Variants in ARL13B observed in about 807,000 individuals in gnomAD.
ARL13B encodes the protein ADP-ribosylation factor-like protein 13B.
A neutral mutation model predicts 56.1 loss-of-function variants in ARL13B; 36 were observed. That is an observed-to-expected ratio of 0.64 (90% CI 0.49 to 0.85). The LOEUF is 0.85. Among genes scored for constraint, ARL13B ranks in the 40% least tolerant of loss-of-function variants. ARL13B has a pLI of 0.00. For missense variants in ARL13B, 519 were observed against 507.1 expected, an observed-to-expected ratio of 1.02 and a Z score of -0.23; for synonymous variants, 178 against 171.1, an observed-to-expected ratio of 1.04 and a Z score of -0.32.
At chr3:94,036,441 T>G in intron 4 of ARL13B, 111 bp from the exon 5 acceptor site, 1 of 1,096,468 alleles carries the variant, frequency 9.1e-7, no homozygotes, top group Non-Finnish European at 1.4e-6. Flanking sequence ...TGCTTCATAT[T>G]ATTAACTTAA....
rs762735339 is a variant in ARL13B at position 93,980,281 on chromosome 3, G to A, written c.-143G>A. The A allele has an allele frequency of 1.5e-5, 16 of 1,088,436 alleles. No individual in the cohort carries two copies. Among genetic ancestry groups the A allele is most frequent in the South Asian group, 1.2e-4 (9 of 77,764 alleles). The allele number at this position is 1,088,436 out of a possible 1,614,324, so 67.4% of individuals were successfully genotyped here. A position where few individuals can be genotyped will look rare whatever the true frequency, so the allele number is the denominator to read the frequency against. ...TTAGCAAGGCTTAGTGCTCGGGCCG[G>A]CCGCCTTCACTTCCCTCCCGGCTTT... is the stretch of plus-strand genomic sequence containing the variant. On this transcript the variant is annotated 5_prime_UTR_variant, in exon 1 of 10. Transcript: ENST00000394222.
intron 4 of ARL13B, 72 bp downstream of exon 4, chr3:94,035,508 A>G (rs555764616): frequency 9.8e-7 from 1 of 1,020,582 alleles, no homozygotes; most frequent in Admixed American, 2.4e-5. Context: ...CTTGGTTTTT[A>G]TAAAAGTGAT....
Position 94,020,637 on chromosome 3 carries a change from G to A in ARL13B, c.381-14694G>A, listed in dbSNP as rs139994135. Among the ~76,000 whole-genome samples the A allele has an allele frequency of 4.7e-3, 708 of 152,210 alleles. 1 individual carries two copies. Among genetic ancestry groups the A allele is most frequent in the Middle Eastern group, 0.014 (4 of 294 alleles). Reference sequence around the variant, plus strand: ...AAATCTGTTTGTGTCAGGAAAAGGTGTTTTATAGATATTAAAAGTTTATTC... The same window carrying A: ...AAATCTGTTTGTGTCAGGAAAAGGTATTTTATAGATATTAAAAGTTTATTC... On this transcript the variant is annotated intron_variant, in intron 3 of 9. Coordinates refer to ENST00000394222, the MANE Select transcript of ARL13B (RefSeq NM_001174150.2).
intron 2 of ARL13B, among the ~76,000 whole-genome samples, chr3:93,998,999 C>T (rs2076010981): frequency 6.6e-6 from 1 of 151,110 alleles, no homozygotes; most frequent in Admixed American, 6.6e-5. Context: ...GTGTCTACCT[C>T]TCCTCTGACT....
intron 3 of ARL13B, among the ~76,000 whole-genome samples, chr3:94,031,173 C>G (rs1447033097): frequency 2.6e-5 from 4 of 152,026 alleles, no homozygotes; most frequent in Non-Finnish European, 2.9e-5. Flanking sequence ...GCCTGGGCAA[C>G]AGAGTGAGAC....
At chr3:93,985,167 T>C (rs1013873599) in intron 1 of ARL13B, among the ~76,000 whole-genome samples, 6 of 152,232 alleles carry the variant, frequency 3.9e-5, no homozygotes, top group African/African-American at 1.4e-4. Context: ...TTTTTAACAT[T>C]AAAAACTGTT....
At chr3:94,048,598 T>A (rs190081945) in intron 7 of ARL13B, among the ~76,000 whole-genome samples, 61 of 148,844 alleles carry the variant, frequency 4.1e-4, no homozygotes, top group Middle Eastern at 7.0e-3. Context: ...ATTTATTTGA[T>A]TTTTTTTTTT....
intron 5 of ARL13B, among the ~76,000 whole-genome samples, chr3:94,038,812 C>T (rs975833261): frequency 3.9e-5 from 6 of 152,074 alleles, no homozygotes; most frequent in African/African-American, 1.4e-4. Context: ...TGAGCCACCG[C>T]ACCCGGCCGG....
At chr3:93,992,648 A>G (rs2075895932) in intron 1 of ARL13B, among the ~76,000 whole-genome samples, 1 of 152,250 alleles carries the variant, frequency 6.6e-6, no homozygotes, top group African/African-American at 2.4e-5. Flanking sequence ...GCTTTCGTTC[A>G]TGGCAATGTT....
rs1220528242 is a variant in ARL13B at position 93,980,450 on chromosome 3, C to T, written c.27C>T (p.Cys9=). Reference sequence around the variant, plus strand: ...TGTTCAGTCTGATGGCCAGTTGCTGCGGCTGGTTCAAGCGGTGGCGGGAGC... The same window carrying T: ...TGTTCAGTCTGATGGCCAGTTGCTGTGGCTGGTTCAAGCGGTGGCGGGAGC... MFSLMASC[C]GWFKRWREPV... The change falls in exon 1 of 10, where the codon TGC becomes TGT. Residue 9 remains cysteine, a synonymous_variant. Transcript: ENST00000394222. 2 of 1,612,534 alleles carry T rather than the reference C, an allele frequency of 1.2e-6. No individual in the cohort carries two copies. The highest frequency in any genetic ancestry group is 1.7e-6 in the Non-Finnish European group (2 of 1,179,968).
intron 8 of ARL13B, among the ~76,000 whole-genome samples, chr3:94,049,928 A>C (rs2077043121): frequency 6.6e-6 from 1 of 151,378 alleles, no homozygotes. Context: ...CGAGGCGGGC[A>C]GATAACCAGG....
At chr3:93,990,551 C>T (rs1033140464) in intron 1 of ARL13B, among the ~76,000 whole-genome samples, 5 of 152,100 alleles carry the variant, frequency 3.3e-5, no homozygotes, top group African/African-American at 9.7e-5. Context: ...CATGAGGTCA[C>T]GTGTGGAATT....
intron 8 of ARL13B, among the ~76,000 whole-genome samples, chr3:94,050,166 GAAA>G (rs77813443): frequency 2.2e-5 from 2 of 90,362 alleles, no homozygotes; most frequent in Non-Finnish European, 2.2e-5. Flanking sequence ...TCCATCTCGG[GAAA>G]AAAAAAAAAA....
intron 3 of ARL13B, among the ~76,000 whole-genome samples, chr3:94,025,588 G>A (rs1193110014): frequency 6.6e-6 from 1 of 152,164 alleles, no homozygotes; most frequent in Non-Finnish European, 1.5e-5. Flanking sequence ...AGTGAAATTC[G>A]TCAGTAGCCT....
chr3:94,014,820 T>TATA, intron 3 of ARL13B: 1 of 1,614,128 alleles, frequency 6.2e-7, no homozygotes, highest in Non-Finnish European at 8.5e-7. Flanking sequence ...TGTCATTGTA[T>TATA]ATAAACATGA....
At chr3:94,000,852 A>C (rs1419747658) in intron 2 of ARL13B, among the ~76,000 whole-genome samples, 1 of 152,210 alleles carries the variant, frequency 6.6e-6, no homozygotes, top group Non-Finnish European at 1.5e-5. Context: ...ATTGGAGACC[A>C]TGTATCTTTG....
chr3:93,980,226 T>G lies in ARL13B; in HGVS notation c.-198T>G. 1.4e-6 allele frequency: 1 copy of G among 724,558 alleles called. No individual in the cohort carries two copies. The highest frequency in any genetic ancestry group is 1.5e-5 in the South Asian group (1 of 67,770). 44.9% of individuals were successfully genotyped at this position (724,558 alleles called of 1,614,324 possible). A position where few individuals can be genotyped will look rare whatever the true frequency, so the allele number is the denominator to read the frequency against. On this transcript the variant is annotated 5_prime_UTR_variant, in exon 1 of 10. Transcript: ENST00000394222. ...GTCTTTGGTCAGGTTGTTCCTTGGC[T>G]AAGAGGGCAGTCGTCGCGGACCCAC...
chr3:93,995,269 A>G (rs909423389), intron 1 of ARL13B, among the ~76,000 whole-genome samples: 9 of 151,792 alleles, frequency 5.9e-5, no homozygotes, highest in African/African-American at 1.9e-4. Context: ...CTTTGACCAG[A>G]TTACTTAATT....
rs769680759 is a variant in ARL13B at position 93,980,358 on chromosome 3, G to A, written c.-66G>A. On this transcript the variant is annotated 5_prime_UTR_variant, in exon 1 of 10. Coordinates refer to ENST00000394222, the MANE Select transcript of ARL13B (RefSeq NM_001174150.2). ...CGTCTCGGAGTGCCGGAGGCCCCCG[G>A]GGAAGAGCGGGGTGCCGGTGTCCGC... 6.3e-6 allele frequency: 10 copies of A among 1,596,908 alleles called. No homozygotes were observed. The highest frequency in any genetic ancestry group is 8.5e-6 in the Non-Finnish European group (10 of 1,172,616).
Sources: allele counts gnomAD v4.1 joint callset (sites outside exome capture counted in the v4.1 genomes callset), GRCh38; gene constraint gnomAD v4.1.1; transcripts MANE v1.5; gene names NCBI Gene and HGNC (gene_info 2026-07-23, HGNC 2026-07-21).